GRM3: variants seen among roughly 807,000 people sequenced by gnomAD.
GRM3 encodes the protein glutamate metabotropic receptor 3.
Under a neutral mutation model 70.5 loss-of-function variants are expected in GRM3, and 26 were observed. That is an observed-to-expected ratio of 0.37 (90% confidence interval 0.27 to 0.51). GRM3 has a LOEUF of 0.51. GRM3 is among the 20% of genes least tolerant of loss of function. The pLI is 0.93. For synonymous variants in GRM3, 443 were observed against 434.9 expected, an observed-to-expected ratio of 1.02 and a Z score of -0.23; for missense variants, 859 against 1,123.8, an observed-to-expected ratio of 0.76 and a Z score of 3.37.
At chr7:86,699,138 T>C (rs894593789) in intron 1 of GRM3, among the ~76,000 whole-genome samples, 1 of 152,086 alleles carries the variant, frequency 6.6e-6, no homozygotes, top group African/African-American at 2.4e-5. Flanking sequence ...ACCAGACGTT[T>C]GAGCTTATTA....
intron 1 of GRM3, among the ~76,000 whole-genome samples, chr7:86,670,471 C>T (rs541948463): frequency 9.9e-5 from 15 of 152,256 alleles, no homozygotes; most frequent in African/African-American, 3.1e-4. Flanking sequence ...AGGAACATGA[C>T]CTTGGAAAGC....
intron 5 of GRM3, among the ~76,000 whole-genome samples, chr7:86,856,720 A>G (rs1214455562): frequency 6.6e-6 from 1 of 152,192 alleles, no homozygotes; most frequent in African/African-American, 2.4e-5. Flanking sequence ...TACATGTATT[A>G]GAGAATTGAT....
Position 86,769,591 on chromosome 7 carries a change from C to T in GRM3, c.468+3978C>T, listed in dbSNP as rs539905532. On this transcript the variant is annotated intron_variant, in intron 2 of 5. Coordinates refer to ENST00000361669, the MANE Select transcript of GRM3 (RefSeq NM_000840.3). ...TCCCACTAAAGGATAGAAACTTTTC[C>T]GGAAGGCAGCATAGGAGATATGCCA... Among the ~76,000 whole-genome samples, 18 of 152,126 alleles carry T rather than the reference C, an allele frequency of 1.2e-4. No homozygotes were observed. In the East Asian group the frequency reaches 3.1e-3, roughly 26 times the overall value.
chr7:86,777,094 C>G (rs1304045374), intron 2 of GRM3, among the ~76,000 whole-genome samples: 19 of 152,122 alleles, frequency 1.2e-4, no homozygotes, highest in Non-Finnish European at 1.5e-5. Flanking sequence ...AGCTAGATAT[C>G]TGAATGTGGA....
Position 86,864,269 on chromosome 7 carries a change from CTT to C in GRM3, c.2567-11_2567-10del. The C allele has an allele frequency of 7.0e-7, 1 of 1,436,506 alleles. No homozygotes were observed. Among genetic ancestry groups the C allele is most frequent in the Non-Finnish European group, 9.8e-7 (1 of 1,017,862 alleles). 89.0% of individuals were successfully genotyped at this position (1,436,506 alleles called of 1,614,324 possible). ...GACTAACTTTGAGTTTTCTGTCCCA[CTT>C]TGTTTTCCAGCCTCTGCAAGCACGT... is the stretch of plus-strand genomic sequence containing the variant. On this transcript the variant is annotated splice_polypyrimidine_tract_variant and intron_variant, in intron 5 of 5. Transcript: ENST00000361669.
Position 86,768,651 on chromosome 7 carries a change from A to C in GRM3, c.468+3038A>C, listed in dbSNP as rs185385183. Among the ~76,000 whole-genome samples, 3 of 152,294 alleles carry C rather than the reference A, an allele frequency of 2.0e-5. No individual in the cohort carries two copies. In the East Asian group the frequency reaches 5.8e-4, roughly 29 times the overall value. On this transcript the variant is annotated intron_variant, in intron 2 of 5. Coordinates refer to ENST00000361669, the MANE Select transcript of GRM3 (RefSeq NM_000840.3). ...AGTGTAAATGAGATGCTGGATCTGA[A>C]GAGGCCAATCAGAAAACTGTGGGAG...
intron 1 of GRM3, among the ~76,000 whole-genome samples, chr7:86,757,957 A>G (rs2116386258): frequency 6.6e-6 from 1 of 152,290 alleles, no homozygotes; most frequent in Non-Finnish European, 1.5e-5. Context: ...ATCTTTGTAA[A>G]GACATGTGTG....
chr7:86,723,202 C>T (rs1225711286), intron 1 of GRM3, among the ~76,000 whole-genome samples: 1 of 151,360 alleles, frequency 6.6e-6, no homozygotes, highest in African/African-American at 2.4e-5. Flanking sequence ...TGAAAAATAA[C>T]ATCTCCTCTT....
At chr7:86,696,257 T>C (rs1794814269) in intron 1 of GRM3, among the ~76,000 whole-genome samples, 1 of 152,190 alleles carries the variant, frequency 6.6e-6, no homozygotes, top group Non-Finnish European at 1.5e-5. Context: ...GAAAGAGTGA[T>C]GGGAGATTAT....
At chr7:86,831,793 TAAAA>T (rs35888996) in intron 3 of GRM3, among the ~76,000 whole-genome samples, 3 of 113,980 alleles carry the variant, frequency 2.6e-5, no homozygotes, top group Admixed American at 9.3e-5. Flanking sequence ...ATAGCACCGT[TAAAA>T]AAAAAAAAAA....
chr7:86,733,053 G>A (rs541517256), intron 1 of GRM3, among the ~76,000 whole-genome samples: 24 of 152,240 alleles, frequency 1.6e-4, no homozygotes, highest in African/African-American at 3.4e-4. Context: ...GGTGTCTCAC[G>A]CCTGTAATCC....
intron 3 of GRM3, among the ~76,000 whole-genome samples, chr7:86,813,826 G>A (rs1797961841): frequency 6.6e-6 from 1 of 151,682 alleles, no homozygotes; most frequent in South Asian, 2.1e-4. Flanking sequence ...CAAGAGAGGT[G>A]ACATTTTACC....
At chr7:86,678,923 C>G (rs1794372562) in intron 1 of GRM3, among the ~76,000 whole-genome samples, 1 of 152,002 alleles carries the variant, frequency 6.6e-6, no homozygotes, top group Admixed American at 6.6e-5. Context: ...TTTTAGGCTT[C>G]TAATTCTGAA....
intron 1 of GRM3, among the ~76,000 whole-genome samples, chr7:86,672,578 G>A (rs1293631204): frequency 6.6e-6 from 1 of 152,076 alleles, no homozygotes; most frequent in Non-Finnish European, 1.5e-5. Context: ...GGTTGCCTGG[G>A]GCAGGGTTTT....
intron 2 of GRM3, among the ~76,000 whole-genome samples, chr7:86,775,733 A>G (rs1184953334): frequency 6.6e-6 from 1 of 152,076 alleles, no homozygotes; most frequent in African/African-American, 2.4e-5. Flanking sequence ...ACTACCTACT[A>G]TTAAAGCAAA....
chr7:86,771,343 G>C (rs1381399362), intron 2 of GRM3, among the ~76,000 whole-genome samples: 1 of 152,010 alleles, frequency 6.6e-6, no homozygotes, highest in East Asian at 1.9e-4. Flanking sequence ...TACATAATGG[G>C]CTCTTTTATA....
chr7:86,786,736 A>AT lies in GRM3; in HGVS notation c.945dup (p.Val316CysfsTer105). ...GAGAGCATCATCAAGGGCAGCGAGC[A>AT]TGTGGCCTACGGCGCCATCACCCTG... On this transcript the variant is annotated frameshift_variant, in exon 3 of 6. Transcript: ENST00000361669. LOFTEE classifies it high-confidence loss of function. This position sits in a 1 kb window ranked among gnomAD's most constrained non-coding sequence, Gnocchi z 6.0. 2.5e-6 allele frequency: 4 copies of AT among 1,613,632 alleles called. No homozygotes were observed. Among genetic ancestry groups the AT allele is most frequent in the Non-Finnish European group, 3.4e-6 (4 of 1,180,012 alleles).
intron 1 of GRM3, among the ~76,000 whole-genome samples, chr7:86,718,684 C>T (rs1300881472): frequency 6.6e-6 from 1 of 151,904 alleles, no homozygotes; most frequent in South Asian, 2.1e-4. Context: ...GAGTGTCAAA[C>T]TAGAAATCAG....
chr7:86,679,647 C>T (rs777790168), intron 1 of GRM3, among the ~76,000 whole-genome samples: 1 of 151,932 alleles, frequency 6.6e-6, no homozygotes, highest in Non-Finnish European at 1.5e-5. Flanking sequence ...TGGCATCTGC[C>T]GCCCACAACC....
Sources: allele counts gnomAD v4.1 joint callset (sites outside exome capture counted in the v4.1 genomes callset), GRCh38; gene constraint gnomAD v4.1.1; non-coding constraint Gnocchi (gnomAD v3.1); transcripts MANE v1.5; gene names NCBI Gene and HGNC (gene_info 2026-07-23, HGNC 2026-07-21).